The following CNIH3 variants were observed in gnomAD, a reference collection of about 807,000 sequenced individuals.
CNIH3 encodes cornichon family AMPA receptor auxiliary protein 3, also known as protein cornichon homolog 3.
In CNIH3, 14 loss-of-function variants were observed where a neutral mutation model predicts 24.1. That is an observed-to-expected ratio of 0.58 (90% CI 0.38 to 0.91). CNIH3 has a LOEUF of 0.91. Among genes scored for constraint, CNIH3 ranks in the 40% least tolerant of loss-of-function variants. The pLI is 0.00. For missense variants in CNIH3, 178 were observed against 196.8 expected, an observed-to-expected ratio of 0.90 and a Z score of 0.57; for synonymous variants, 68 against 73.8, an observed-to-expected ratio of 0.92 and a Z score of 0.40.
intron 3 of CNIH3, among the ~76,000 whole-genome samples, chr1:224,702,430 G>A (rs1014328552): frequency 6.6e-6 from 1 of 152,212 alleles, no homozygotes; most frequent in Non-Finnish European, 1.5e-5. Context: ...TTCTCAGACA[G>A]GTCAAAGCAG....
chr1:224,476,962 G>A (rs866062275), intron 1 of CNIH3, among the ~76,000 whole-genome samples: 3 of 152,266 alleles, frequency 2.0e-5, no homozygotes, highest in South Asian at 2.1e-4. Context: ...GGGGAAAGCC[G>A]GCAGTTACAG....
At chr1:224,435,337 A>G (rs1674604345) in intron 1 of CNIH3, 1 of 523,736 alleles carries the variant, frequency 1.9e-6, no homozygotes, top group African/African-American at 2.1e-5. Context: ...TTCCACAGCC[A>G]AGTGCCACAC....
At chr1:224,582,073 G>A (rs548744964) in intron 4 of CNIH3, among the ~76,000 whole-genome samples, 30 of 152,280 alleles carry the variant, frequency 2.0e-4, no homozygotes, top group African/African-American at 7.2e-4. Flanking sequence ...GGGGTGTGGG[G>A]AGGGCTGTGG....
intron 1 of CNIH3, among the ~76,000 whole-genome samples, chr1:224,438,086 G>GTAT (rs1307458741): frequency 5.3e-5 from 8 of 151,760 alleles, no homozygotes; most frequent in Non-Finnish European, 1.0e-4. Flanking sequence ...CTAATTTTTT[G>GTAT]TATTATTATT....
At chr1:224,518,344 G>GT (rs1169110542) in intron 1 of CNIH3, among the ~76,000 whole-genome samples, 1 of 152,058 alleles carries the variant, frequency 6.6e-6, no homozygotes, top group Non-Finnish European at 1.5e-5. Flanking sequence ...TATTTATTTA[G>GT]TTTTTTTAGA....
intron 1 of CNIH3, among the ~76,000 whole-genome samples, chr1:224,475,313 G>A (rs374261173): frequency 2.0e-5 from 3 of 147,716 alleles, no homozygotes; most frequent in Admixed American, 1.4e-4. Flanking sequence ...CCGAGATTGC[G>A]CCACTGCAGT....
intron 1 of CNIH3, among the ~76,000 whole-genome samples, chr1:224,501,723 G>A (rs1374343767): frequency 1.1e-4 from 17 of 151,902 alleles, no homozygotes; most frequent in Admixed American, 1.1e-3. Flanking sequence ...TGGGATTACA[G>A]GTGCGTGCCA....
intron 2 of CNIH3, among the ~76,000 whole-genome samples, chr1:224,681,769 A>G (rs568579017): frequency 6.6e-6 from 1 of 152,270 alleles, no homozygotes; most frequent in East Asian, 1.9e-4. Flanking sequence ...GGAGCCAGAG[A>G]CCAACCCTGT....
chr1:224,530,755 A>T (rs1679032785), intron 2 of CNIH3, among the ~76,000 whole-genome samples: 1 of 151,998 alleles, frequency 6.6e-6, no homozygotes, highest in South Asian at 2.1e-4. Flanking sequence ...GCCTGCCACC[A>T]TGTGCGGCTA....
intron 3 of CNIH3, among the ~76,000 whole-genome samples, chr1:224,600,349 C>T (rs756952328): frequency 2.6e-5 from 4 of 152,098 alleles, no homozygotes; most frequent in Non-Finnish European, 4.4e-5. Context: ...ACCACCATGC[C>T]TGGCTAATTT....
intron 2 of CNIH3, among the ~76,000 whole-genome samples, chr1:224,532,883 G>A (rs1287301729): frequency 1.3e-5 from 2 of 152,158 alleles, no homozygotes; most frequent in African/African-American, 4.8e-5. Flanking sequence ...ACCACCTTGT[G>A]AGTTTAGATT....
chr1:224,623,262 A>G (rs888457162), intron 1 of CNIH3, among the ~76,000 whole-genome samples: 2 of 151,968 alleles, frequency 1.3e-5, no homozygotes, highest in Admixed American at 6.6e-5. Flanking sequence ...TCTAGGATTT[A>G]CTTCCTCCTC....
At chr1:224,443,914 A>G (rs1192211633) in intron 1 of CNIH3, among the ~76,000 whole-genome samples, 2 of 152,134 alleles carry the variant, frequency 1.3e-5, no homozygotes, top group Non-Finnish European at 1.5e-5. Flanking sequence ...TGATTAGCCC[A>G]GGTAGGGGCA....
chr1:224,578,311 C>T (rs1681123964), intron 4 of CNIH3, among the ~76,000 whole-genome samples: 1 of 152,144 alleles, frequency 6.6e-6, no homozygotes, highest in Admixed American at 6.6e-5. Flanking sequence ...AACTTGCTCC[C>T]AAGATATAAA....
At chr1:224,713,759 T>C (rs1688282495) in intron 3 of CNIH3, among the ~76,000 whole-genome samples, 1 of 152,242 alleles carries the variant, frequency 6.6e-6, no homozygotes, top group Non-Finnish European at 1.5e-5. Context: ...GTGTTAATAC[T>C]TTAGCCTCAC....
chr1:224,455,586 T>G (rs1675616132), intron 1 of CNIH3, among the ~76,000 whole-genome samples: 1 of 152,140 alleles, frequency 6.6e-6, no homozygotes, highest in Admixed American at 6.6e-5. Context: ...AACCCTTCCT[T>G]GAGGTAGACA....
At chr1:224,537,901 A>G (rs566231282), downstream of CNIH3, among the ~76,000 whole-genome samples, 3 of 152,270 alleles carry the variant, frequency 2.0e-5, no homozygotes, top group African/African-American at 7.2e-5. Context: ...AACTAAAGGT[A>G]GAGGACCCAG....
chr1:224,494,003 A>G (rs759777278), intron 1 of CNIH3, among the ~76,000 whole-genome samples: 27 of 152,204 alleles, frequency 1.8e-4, no homozygotes, highest in Non-Finnish European at 2.2e-4. Flanking sequence ...ATGAGAAAGG[A>G]CAATGGAAGA....
chr1:224,648,047 G>A lies in CNIH3; in HGVS notation c.81+30792G>A, dbSNP rs75144289. ...GGAACCTGGGATGGAAACTGGATCT[G>A]GAGCTGGGGAGAGAGTGAAGAACCA... On this transcript the variant is annotated intron_variant, in intron 1 of 5. Transcript: ENST00000272133. Among the ~76,000 whole-genome samples the A allele has an allele frequency of 2.3e-3, 343 of 152,268 alleles. 5 individuals are homozygous for A. In the East Asian group the frequency reaches 0.03, roughly 13 times the overall value.
Sources: gnomAD v4.1 joint callset for allele counts (sites outside exome capture counted in the v4.1 genomes callset) on GRCh38, gnomAD v4.1.1 for gene constraint, MANE v1.5 for transcripts, NCBI Gene and HGNC (gene_info 2026-07-23, HGNC 2026-07-21) for gene names.